IRAK2: variants seen among roughly 807,000 people sequenced by gnomAD.
IRAK2 encodes the protein interleukin 1 receptor associated kinase 2.
IRAK2 carries 57 observed loss-of-function variants against 72.0 expected under a neutral mutation model. The ratio of observed to expected loss-of-function variants is 0.79; its 90% CI spans 0.64 to 0.99. The LOEUF (loss-of-function observed/expected upper bound fraction) is 0.99. Among genes scored for constraint, IRAK2 ranks in the 50% least tolerant of loss-of-function variants. IRAK2 has a pLI of 0.00. For synonymous variants in IRAK2, 293 were observed against 312.7 expected, an observed-to-expected ratio of 0.94 and a Z score of 0.67; for missense variants, 790 against 794.4, an observed-to-expected ratio of 0.99 and a Z score of 0.07.
intron 2 of IRAK2, among the ~76,000 whole-genome samples, chr3:10,185,846 C>T (rs1229983769): frequency 6.6e-6 from 1 of 151,394 alleles, no homozygotes; most frequent in Non-Finnish European, 1.5e-5. Flanking sequence ...CACTGCACTC[C>T]ATCCTGGGCG....
intron 12 of IRAK2, among the ~76,000 whole-genome samples, chr3:10,241,867 G>A (rs1310182350): frequency 6.7e-6 from 1 of 148,850 alleles, no homozygotes; most frequent in Non-Finnish European, 1.5e-5. Flanking sequence ...CTGCTACTCC[G>A]GAGACTGAGG....
intron 1 of IRAK2, among the ~76,000 whole-genome samples, chr3:10,168,397 G>A (rs1197239760): frequency 2.6e-5 from 4 of 151,798 alleles, no homozygotes; most frequent in African/African-American, 9.7e-5. Flanking sequence ...CTTCAGTAGA[G>A]ACAGGGTTTC....
Position 10,170,332 on chromosome 3 carries a change from C to T in IRAK2, c.94+5284C>T, listed in dbSNP as rs561074313. Among the ~76,000 whole-genome samples the T allele has an allele frequency of 1.6e-4, 24 of 152,328 alleles. No homozygotes were observed. The South Asian group carries it at 4.8e-3, about 30-fold the overall frequency. On this transcript the variant is annotated intron_variant, in intron 1 of 12. Transcript: ENST00000256458. ...CAGAGAATCCAGGATAATCTCATCT[C>T]AGAATCCTTGATTTAATCTAACCTG...
chr3:10,213,502 G>C lies in IRAK2; in HGVS notation c.742G>C (p.Gly248Arg). 1 of 1,614,096 alleles carries C rather than the reference G, an allele frequency of 6.2e-7. No homozygotes were observed. Reference protein sequence around the residue: ...KLRETACSSPGSIERFFQAEL... With the variant: ...KLRETACSSPRSIERFFQAEL... ...TCTACAGACAGCCTGTTCAAGTCCAGGATCAATCGAAAGATTCTTCCAGGC... is the reference window on the plus strand; with the variant it reads ...TCTACAGACAGCCTGTTCAAGTCCACGATCAATCGAAAGATTCTTCCAGGC... Residue 248 changes from glycine (G) to arginine (R), a missense_variant, in exon 6 of 13, where the codon GGA becomes CGA. By Grantham distance (125) the Gly-to-Arg change is moderately radical (BLOSUM62 -2). Coordinates refer to ENST00000256458, the MANE Select transcript of IRAK2 (RefSeq NM_001570.4).
Position 10,200,405 on chromosome 3 carries a change from C to A in IRAK2, c.314C>A (p.Ala105Asp). ...CCTGAAATCAGGTGTCCCATTCCAG[C>A]CTTCCCTGACTCTGTGAAGCCAGAA... is the stretch of plus-strand genomic sequence containing the variant. ...PAPEIRCPIP[A>D]FPDSVKPEKP... Residue 105 changes from alanine (A) to aspartate (D), a missense_variant, in exon 3 of 13, where the codon GCC (alanine) becomes GAC (aspartate). Physicochemically the swap from Ala to Asp is moderately radical, Grantham distance 126. Coordinates refer to ENST00000256458, the MANE Select transcript of IRAK2 (RefSeq NM_001570.4). 1 of 1,603,438 alleles carries A rather than the reference C, an allele frequency of 6.2e-7. No individual in the cohort carries two copies. The highest frequency in any genetic ancestry group is 8.5e-7 in the Non-Finnish European group (1 of 1,172,350).
intron 2 of IRAK2, among the ~76,000 whole-genome samples, chr3:10,199,023 G>T (rs1189441682): frequency 1.3e-5 from 2 of 152,130 alleles, no homozygotes; most frequent in Non-Finnish European, 2.9e-5. Context: ...AGGCTAAGGA[G>T]TGTGGACATT....
rs543158967 is a variant in IRAK2, at chr3:10,224,354, A to C, written c.1209+1523A>C. The stretch of plus-strand genomic sequence containing the variant: ...TCTGTCTCAAAAAAAAAAAAAAAGA[A>C]AAAAAAGAACCAGGGGGATAGAACC... On this transcript the variant is annotated intron_variant, in intron 9 of 12. Coordinates refer to ENST00000256458, the MANE Select transcript of IRAK2 (RefSeq NM_001570.4). 8.9e-4 allele frequency among the ~76,000 whole-genome samples: 135 copies of C among 151,548 alleles called. 1 individual carries two copies. The highest frequency in any genetic ancestry group is 3.1e-3 in the African/African-American group (128 of 41,282).
rs1575993189 is a variant in IRAK2, at chr3:10,237,969, A to ATGT, written c.1474-779_1474-778insTGT. 9.1e-5 allele frequency among the ~76,000 whole-genome samples: 6 copies of ATGT among 65,752 alleles called. No individual in the cohort carries two copies. The East Asian group carries it at 3.1e-3, about 34-fold the overall frequency. The allele number at this position is 65,752 out of a possible 152,430, so 43.1% of individuals were successfully genotyped here. ...TGTGTGTGTGTGTGTGTGTGTGTGA[A>ATGT]GAAGAAACATTCCTTCCTTGCTTCC... On this transcript the variant is annotated intron_variant, in intron 11 of 12. Transcript: ENST00000256458.
intron 2 of IRAK2, among the ~76,000 whole-genome samples, chr3:10,188,131 G>A (rs1697108149): frequency 6.6e-6 from 1 of 152,142 alleles, no homozygotes; most frequent in Admixed American, 6.6e-5. Context: ...TATAATCAAT[G>A]CTGAGCTCTA....
At position 10,213,392 on chromosome 3, in the gene IRAK2, G is replaced by A; in HGVS notation, c.714G>A (p.Lys238=). Residue 238 remains lysine (K), a synonymous_variant, in exon 5 of 13, where the codon AAG becomes AAA. Coordinates refer to ENST00000256458, the MANE Select transcript of IRAK2 (RefSeq NM_001570.4). Reference sequence around the variant, plus strand: ...ACGGGAAGCCATTCGTCTTCAAGAAGCTCAGAGAGGTGAGCACTTCTTGGT... The same window carrying A: ...ACGGGAAGCCATTCGTCTTCAAGAAACTCAGAGAGGTGAGCACTTCTTGGT... ...HRHGKPFVFK[K]LRETACSSPG... 6.2e-7 allele frequency: 1 copy of A among 1,614,110 alleles called. No homozygotes were observed.
At position 10,174,932 on chromosome 3, in the gene IRAK2, C is replaced by CAAAA. The variant is rs771089899; in HGVS notation, c.95-2898_95-2895dup. Among the ~76,000 whole-genome samples the CAAAA allele has an allele frequency of 1.8e-3, 264 of 143,242 alleles. 2 individuals carry two copies. The highest frequency in any genetic ancestry group is 3.1e-3 in the African/African-American group (117 of 37,726). The allele number at this position is 143,242 out of a possible 152,430, so 94.0% of individuals were successfully genotyped here. A position where few individuals can be genotyped will look rare whatever the true frequency, so the allele number is the denominator to read the frequency against. On this transcript the variant is annotated intron_variant, in intron 1 of 12. Transcript: ENST00000256458. ...CAGGCACAGTGGTTCATGCCTGTAC[C>CAAAA]AAAAAAAAAAATTAGCCAGGAATGG... is the stretch of plus-strand genomic sequence containing the variant.
intron 1 of IRAK2, among the ~76,000 whole-genome samples, chr3:10,172,341 TG>T (rs1208515118): frequency 6.6e-6 from 1 of 151,516 alleles, no homozygotes; most frequent in Non-Finnish European, 1.5e-5. Flanking sequence ...CACTCCAGCC[TG>T]GGCGACAGAG....
intron 11 of IRAK2, among the ~76,000 whole-genome samples, chr3:10,237,675 C>G (rs1048260002): frequency 6.6e-6 from 1 of 151,648 alleles, no homozygotes; most frequent in Non-Finnish European, 1.5e-5. Flanking sequence ...GGCGCGGTGG[C>G]GGGCACCTGT....
chr3:10,218,576 G>C (rs987585817), intron 7 of IRAK2, among the ~76,000 whole-genome samples: 5 of 152,044 alleles, frequency 3.3e-5, no homozygotes, highest in Non-Finnish European at 7.4e-5. Context: ...TAAAATCAGC[G>C]TAAGGCCCAG....
intron 11 of IRAK2, among the ~76,000 whole-genome samples, chr3:10,234,890 A>C (rs1390630263): frequency 6.6e-6 from 1 of 152,216 alleles, no homozygotes; most frequent in Non-Finnish European, 1.5e-5. Flanking sequence ...GTGGATGTTA[A>C]CTGAACTCGA....
intron 12 of IRAK2, among the ~76,000 whole-genome samples, chr3:10,239,427 G>A (rs184344964): frequency 6.1e-4 from 93 of 152,286 alleles, no homozygotes; most frequent in African/African-American, 2.0e-3. Context: ...ACACAGTGCC[G>A]GCCAGGCGAG....
intron 1 of IRAK2, among the ~76,000 whole-genome samples, chr3:10,169,475 T>C (rs949661803): frequency 6.6e-6 from 1 of 152,204 alleles, no homozygotes; most frequent in Admixed American, 6.5e-5. Flanking sequence ...TTATCAATTA[T>C]TAATATTCCT....
At chr3:10,190,819 G>T (rs748254090) in intron 2 of IRAK2, among the ~76,000 whole-genome samples, 4 of 152,168 alleles carry the variant, frequency 2.6e-5, no homozygotes, top group Non-Finnish European at 5.9e-5. Context: ...AACAAATATT[G>T]ATTTCCCACT....
intron 3 of IRAK2, among the ~76,000 whole-genome samples, chr3:10,207,015 G>A (rs1697443915): frequency 6.6e-6 from 1 of 152,102 alleles, no homozygotes; most frequent in South Asian, 2.1e-4. Context: ...CATCATGCCA[G>A]GCTAATTTTT....
Sources: allele counts gnomAD v4.1 joint callset (sites outside exome capture counted in the v4.1 genomes callset), GRCh38; gene constraint gnomAD v4.1.1; transcripts MANE v1.5; gene names NCBI Gene and HGNC (gene_info 2026-07-23, HGNC 2026-07-21).